The following CRADD variants were observed in gnomAD, a reference collection of about 807,000 sequenced individuals.
The protein encoded by CRADD is death domain-containing protein CRADD.
In CRADD, 9 loss-of-function variants were observed where a neutral mutation model predicts 15.5. That is an observed-to-expected ratio of 0.58 (90% CI 0.35 to 1.01). The LOEUF (loss-of-function observed/expected upper bound fraction) is 1.01, where lower values mean the gene tolerates loss of function less well. Ranked by LOEUF, CRADD falls within the 50% of genes least tolerant of loss-of-function variation. The pLI is 0.02. For synonymous variants in CRADD, 118 were observed against 107.6 expected (o/e 1.10, Z -0.60); for missense variants, 227 against 250.3 (o/e 0.91, Z 0.63).
At chr12:93,757,370 A>T (rs1054730288) in intron 2 of CRADD, among the ~76,000 whole-genome samples, 1 of 152,304 alleles carries the variant, frequency 6.6e-6, no homozygotes, top group East Asian at 1.9e-4. Context: ...AGAGTCTCCA[A>T]TCTCCCAAAA....
At chr12:93,894,256 G>T in exon 3 of CRADD, 1 of 554,200 alleles carries the variant, frequency 1.8e-6, no homozygotes, top group East Asian at 3.5e-5. Flanking sequence ...TCACAATTCT[G>T]TGTATGTGTG....
intron 2 of CRADD, among the ~76,000 whole-genome samples, chr12:93,696,285 T>A (rs1955704873): frequency 6.6e-6 from 1 of 152,224 alleles, no homozygotes; most frequent in African/African-American, 2.4e-5. Flanking sequence ...AGCTACACTT[T>A]CATGTTCACT....
At chr12:93,782,913 G>A (rs1251034470) in intron 2 of CRADD, among the ~76,000 whole-genome samples, 1 of 152,086 alleles carries the variant, frequency 6.6e-6, no homozygotes, top group Non-Finnish European at 1.5e-5. Context: ...AAATCAGAAT[G>A]GTAAAATATA....
At chr12:93,689,322 G>A (rs977599083) in intron 2 of CRADD, among the ~76,000 whole-genome samples, 4 of 152,170 alleles carry the variant, frequency 2.6e-5, no homozygotes, top group African/African-American at 9.7e-5. Flanking sequence ...CTTGTAGGCT[G>A]CTGTTATAGC....
chr12:93,698,638 A>G (rs1955769048), intron 2 of CRADD, among the ~76,000 whole-genome samples: 1 of 152,084 alleles, frequency 6.6e-6, no homozygotes, highest in Admixed American at 6.6e-5. Flanking sequence ...TTCTGTTTGT[A>G]TGCTTTTAAG....
rs561230914 is a variant in CRADD at position 93,705,822 on chromosome 12, A to G, written c.298+26750A>G. Among the ~76,000 whole-genome samples the G allele has an allele frequency of 2.6e-5, 4 of 152,354 alleles. No homozygotes were observed. The South Asian group carries it at 6.2e-4, about 24-fold the overall frequency. On this transcript the variant is annotated intron_variant, in intron 2 of 2. Transcript: ENST00000332896. The stretch of plus-strand genomic sequence containing the variant: ...GTCAGAGCCACATAACCAGAATGTC[A>G]CTAAATTTGCTTTCGCGGCATTACC...
At chr12:93,752,541 A>G (rs1172541996) in intron 2 of CRADD, among the ~76,000 whole-genome samples, 1 of 152,222 alleles carries the variant, frequency 6.6e-6, no homozygotes, top group Non-Finnish European at 1.5e-5. Context: ...ACATATTTAT[A>G]CTAAGAGTTG....
intron 2 of CRADD, among the ~76,000 whole-genome samples, chr12:93,748,309 GTTTTA>G (rs1956787695): frequency 6.6e-6 from 1 of 152,166 alleles, no homozygotes; most frequent in African/African-American, 2.4e-5. Context: ...TTTTGGTTTT[GTTTTA>G]TTTTATTTGA....
intron 2 of CRADD, among the ~76,000 whole-genome samples, chr12:93,692,135 GAAGA>G (rs947422631): frequency 6.6e-6 from 1 of 151,952 alleles, no homozygotes; most frequent in Non-Finnish European, 1.5e-5. Flanking sequence ...TAATCAAGCA[GAAGA>G]AAGAATCTGT....
chr12:93,859,549 T>G (rs919062802), intron 2 of CRADD: 10 of 325,462 alleles, frequency 3.1e-5, no homozygotes, highest in African/African-American at 1.9e-4. Context: ...GGGAGAACAT[T>G]TATTAATGAA....
At chr12:93,888,837 G>C (rs1214427450) in intron 2 of CRADD, among the ~76,000 whole-genome samples, 1 of 152,220 alleles carries the variant, frequency 6.6e-6, no homozygotes, top group Non-Finnish European at 1.5e-5. Flanking sequence ...TGTGGAATGA[G>C]GTAGGGAAGC....
At chr12:93,847,649 C>T (rs1188184835) in intron 2 of CRADD, among the ~76,000 whole-genome samples, 1 of 151,820 alleles carries the variant, frequency 6.6e-6, no homozygotes, top group Non-Finnish European at 1.5e-5. Flanking sequence ...TCAACCATTA[C>T]AATGCCACCT....
chr12:93,760,563 C>T (rs1956942350), intron 2 of CRADD, among the ~76,000 whole-genome samples: 1 of 152,152 alleles, frequency 6.6e-6, no homozygotes, highest in African/African-American at 2.4e-5. Flanking sequence ...ACCCCACAGT[C>T]AGCAATTTCA....
At chr12:93,768,634 T>C (rs1451351505) in intron 2 of CRADD, among the ~76,000 whole-genome samples, 1 of 152,214 alleles carries the variant, frequency 6.6e-6, no homozygotes, top group African/African-American at 2.4e-5. Flanking sequence ...GCTTTTTTCA[T>C]GTAATATATC....
intron 2 of CRADD, chr12:93,738,262 CA>C: frequency 3.1e-6 from 2 of 654,034 alleles, no homozygotes; most frequent in South Asian, 1.7e-5. Context: ...AGAGAAGGGC[CA>C]AAAGTGTCAG....
At chr12:93,866,661 A>T (rs1389144259) in intron 2 of CRADD, among the ~76,000 whole-genome samples, 1 of 152,122 alleles carries the variant, frequency 6.6e-6, no homozygotes, top group Non-Finnish European at 1.5e-5. Flanking sequence ...GAGACTCTGT[A>T]TTGTGGGTGG....
chr12:93,847,311 A>G lies in CRADD; in HGVS notation c.299-2659A>G, dbSNP rs1958137201. Among the ~76,000 whole-genome samples the G allele has an allele frequency of 1.3e-5, 2 of 151,650 alleles. 1 individual carries two copies. The highest frequency in any genetic ancestry group is 4.2e-4 in the South Asian group (2 of 4,802). On this transcript the variant is annotated intron_variant, in intron 2 of 2. Coordinates refer to ENST00000332896, the MANE Select transcript of CRADD (RefSeq NM_003805.5). ...GGTCTACAAACTTTTAAGGGAAATA[A>G]CATTATTTAAATAATATAATTTAAA...
intron 2 of CRADD, among the ~76,000 whole-genome samples, chr12:93,884,653 T>C (rs1958523666): frequency 6.6e-6 from 1 of 152,226 alleles, no homozygotes; most frequent in South Asian, 2.1e-4. Flanking sequence ...TCTCTCACTT[T>C]GCAGATAATT....
chr12:93,864,157 C>T (rs1958343025), intron 2 of CRADD, among the ~76,000 whole-genome samples: 1 of 152,208 alleles, frequency 6.6e-6, no homozygotes, highest in South Asian at 2.1e-4. Context: ...CAGGCTCAAG[C>T]AATCCTCCCA....
Sources: allele counts gnomAD v4.1 joint callset (sites outside exome capture counted in the v4.1 genomes callset), GRCh38; gene constraint gnomAD v4.1.1; transcripts MANE v1.5; gene names NCBI Gene and HGNC (gene_info 2026-07-23, HGNC 2026-07-21).